The following AAK1 variants were observed in gnomAD, a reference collection of about 807,000 sequenced individuals.
The protein encoded by AAK1 is AP2 associated kinase 1, also known as AP2-associated protein kinase 1.
In AAK1, 37 loss-of-function variants were observed where a neutral mutation model predicts 116.0. That is an observed-to-expected ratio of 0.32 (90% CI 0.25 to 0.42). The LOEUF is 0.42. Ranked by LOEUF, AAK1 falls within the 10% of genes least tolerant of loss-of-function variation. AAK1 has a pLI of 1.00. For missense variants in AAK1, 919 were observed against 1,170.6 expected, an observed-to-expected ratio of 0.79 and a Z score of 3.14; for synonymous variants, 458 against 439.9, an observed-to-expected ratio of 1.04 and a Z score of -0.51.
At chr2:69,609,205 A>C (rs1673949063) in intron 2 of AAK1, among the ~76,000 whole-genome samples, 2 of 151,078 alleles carry the variant, frequency 1.3e-5, no homozygotes. Flanking sequence ...CTACCAAAAC[A>C]CACAAAAATT....
At chr2:69,597,741 G>A (rs925542173) in intron 2 of AAK1, among the ~76,000 whole-genome samples, 2 of 151,982 alleles carry the variant, frequency 1.3e-5, no homozygotes, top group Admixed American at 6.5e-5. Flanking sequence ...AAACAGCCAG[G>A]CATGGTGGCA....
intron 2 of AAK1, among the ~76,000 whole-genome samples, chr2:69,600,596 T>C (rs1362084502): frequency 6.6e-6 from 1 of 152,144 alleles, no homozygotes; most frequent in Non-Finnish European, 1.5e-5. Flanking sequence ...TTCTTACGGA[T>C]GGGCAAAAAA....
intron 9 of AAK1, among the ~76,000 whole-genome samples, chr2:69,526,806 G>C (rs1670046247): frequency 6.6e-6 from 1 of 152,194 alleles, no homozygotes; most frequent in African/African-American, 2.4e-5. Flanking sequence ...CAAGGAAGGA[G>C]AACGGGGACA....
At chr2:69,569,431 A>G (rs1449877952) in intron 2 of AAK1, among the ~76,000 whole-genome samples, 2 of 152,100 alleles carry the variant, frequency 1.3e-5, no homozygotes, top group African/African-American at 4.8e-5. Flanking sequence ...ACTTCCCCCT[A>G]AATACTTCAG....
intron 5 of AAK1, among the ~76,000 whole-genome samples, chr2:69,538,051 G>A (rs60351669): frequency 0.13 from 19,093 of 152,140 alleles, 3,591 homozygotes; most frequent in African/African-American, 0.41. Context: ...CAGGTTTCAC[G>A]TCTCCCTCCA....
chr2:69,551,851 C>A lies in AAK1; in HGVS notation c.282+5009G>T, dbSNP rs1394778932. Among the ~76,000 whole-genome samples the A allele has an allele frequency of 2.0e-5, 3 of 152,222 alleles. No homozygotes were observed. In the East Asian group the frequency reaches 5.8e-4, roughly 29 times the overall value. On this transcript the variant is annotated intron_variant, in intron 3 of 21. Coordinates refer to ENST00000409085, the MANE Select transcript of AAK1 (RefSeq NM_014911.5). ...AGACAAGACTCCAGTACATGGTGGA[C>A]AGCATTTATCAAAATAAAACGTGAA...
At chr2:69,527,025 T>C (rs555269760) in intron 9 of AAK1, among the ~76,000 whole-genome samples, 191 bp downstream of exon 9, 2 of 152,286 alleles carry the variant, frequency 1.3e-5, no homozygotes, top group Non-Finnish European at 2.9e-5. Flanking sequence ...TTGCTTCAGT[T>C]TTATAATTAA....
chr2:69,581,530 AT>A (rs1353049383), intron 2 of AAK1, among the ~76,000 whole-genome samples: 1 of 152,228 alleles, frequency 6.6e-6, no homozygotes, highest in Non-Finnish European at 1.5e-5. Flanking sequence ...CCATTTGAAA[AT>A]GGACTGGCCC....
intron 2 of AAK1, among the ~76,000 whole-genome samples, chr2:69,577,978 T>C (rs900335319): frequency 2.6e-5 from 4 of 152,194 alleles, no homozygotes; most frequent in African/African-American, 9.7e-5. Flanking sequence ...CAAGACAACA[T>C]GATCTGAGGT....
At chr2:69,562,368 T>G (rs1671678371) in intron 2 of AAK1, among the ~76,000 whole-genome samples, 1 of 152,188 alleles carries the variant, frequency 6.6e-6, no homozygotes, top group Non-Finnish European at 1.5e-5. Flanking sequence ...CCCATCACTT[T>G]CCTGATAAAA....
intron 2 of AAK1, among the ~76,000 whole-genome samples, chr2:69,622,390 C>T (rs552742046): frequency 4.9e-4 from 74 of 152,292 alleles, no homozygotes; most frequent in African/African-American, 1.8e-3. Flanking sequence ...CCACAGCGCC[C>T]GGTCCCATCA....
chr2:69,612,169 T>C (rs76055293), intron 2 of AAK1, among the ~76,000 whole-genome samples: 4,386 of 152,330 alleles, frequency 0.029, 215 homozygotes, highest in African/African-American at 0.1. Flanking sequence ...CAACTGGGGA[T>C]TTATTAATAT....
intron 8 of AAK1, among the ~76,000 whole-genome samples, chr2:69,529,264 A>T (rs2105020042): frequency 6.6e-6 from 1 of 152,300 alleles, no homozygotes; most frequent in South Asian, 2.1e-4. Context: ...GCAGGACCCA[A>T]ATGGGTTACT....
intron 2 of AAK1, among the ~76,000 whole-genome samples, chr2:69,615,507 C>T (rs1674285100): frequency 6.6e-6 from 1 of 152,210 alleles, no homozygotes; most frequent in South Asian, 2.1e-4. Flanking sequence ...CACGGGATTT[C>T]CTGGGAGGAC....
At chr2:69,636,626 A>G (rs756323192) in intron 2 of AAK1, among the ~76,000 whole-genome samples, 2 of 152,208 alleles carry the variant, frequency 1.3e-5, no homozygotes, top group Non-Finnish European at 2.9e-5. Flanking sequence ...AGCACTAGCC[A>G]CATGTGACTA....
intron 16 of AAK1, among the ~76,000 whole-genome samples, 196 bp downstream of exon 16, chr2:69,505,373 C>A (rs149077482): frequency 1.3e-5 from 2 of 151,882 alleles, no homozygotes; most frequent in Non-Finnish European, 2.9e-5. Flanking sequence ...GATCTTTATC[C>A]CTTTTTGATC....
rs73934518 is a variant in AAK1 at position 69,617,393 on chromosome 2, G to A, written c.163+25485C>T. Among the ~76,000 whole-genome samples the A allele has an allele frequency of 1.9e-3, 282 of 152,226 alleles. 1 individual carries two copies. The highest frequency in any genetic ancestry group is 6.3e-3 in the African/African-American group (260 of 41,530). ...CAATTGAACCTAGCTGTGTAGTTTC[G>A]GACAGGCCATTTAATCCTCTGGGCA... On this transcript the variant is annotated intron_variant, in intron 2 of 21. Coordinates refer to ENST00000409085, the MANE Select transcript of AAK1 (RefSeq NM_014911.5).
At chr2:69,483,830 C>A (rs1255454285) in intron 17 of AAK1, among the ~76,000 whole-genome samples, 1 of 152,196 alleles carries the variant, frequency 6.6e-6, no homozygotes, top group Non-Finnish European at 1.5e-5. Context: ...CCTGAGCCAC[C>A]AGACTTGTCA....
At chr2:69,557,126 A>T in intron 2 of AAK1, 148 bp from the exon 3 acceptor site, 1 of 622,528 alleles carries the variant, frequency 1.6e-6, no homozygotes, top group South Asian at 1.9e-5. Context: ...TGTAGAACAC[A>T]TTCTTAGATT....
Sources: allele counts gnomAD v4.1 joint callset (sites outside exome capture counted in the v4.1 genomes callset), GRCh38; gene constraint gnomAD v4.1.1; transcripts MANE v1.5; gene names NCBI Gene and HGNC (gene_info 2026-07-23, HGNC 2026-07-21).